PIK3R1: variants seen among roughly 807,000 people sequenced by gnomAD.
PIK3R1 encodes phosphoinositide-3-kinase regulatory subunit 1, also known as phosphatidylinositol 3-kinase regulatory subunit alpha.
PIK3R1 carries 29 observed loss-of-function variants against 98.0 expected under a neutral mutation model. The observed-to-expected ratio is 0.30, with a 90% confidence interval of 0.22 to 0.40. PIK3R1 has a LOEUF of 0.40. PIK3R1 is among the 10% of genes least tolerant of loss of function. The pLI, the probability that PIK3R1 is intolerant of heterozygous loss-of-function variation, is 1.00. For missense variants in PIK3R1, 596 were observed against 872.7 expected (o/e 0.68, Z 3.99); for synonymous variants, 282 against 311.8 (o/e 0.90, Z 1.01).
chr5:68,248,414 C>A (rs1218142198), intron 2 of PIK3R1, among the ~76,000 whole-genome samples: 1 of 152,028 alleles, frequency 6.6e-6, no homozygotes, highest in African/African-American at 2.4e-5. Flanking sequence ...CTTAAATCCA[C>A]CTCCCCTCAT....
chr5:68,296,403 T>A, intron 15 of PIK3R1, 62 bp downstream of exon 15: 1 of 1,464,286 alleles, frequency 6.8e-7, no homozygotes, highest in Non-Finnish European at 9.4e-7. Flanking sequence ...CATTTATTCA[T>A]TCATTGAGTT....
chr5:68,299,259 G>A lies in PIK3R1; in HGVS notation c.*1658G>A. 1 of 233,462 alleles carries A rather than the reference G, an allele frequency of 4.3e-6. No individual in the cohort carries two copies. 14.5% of individuals were successfully genotyped at this position (233,462 alleles called of 1,614,324 possible). A position where few individuals can be genotyped will look rare whatever the true frequency, so the allele number is the denominator to read the frequency against. ...AAAGCATGATCTGAAAAATACTTTTGGTGGTATGTTGGTTACCCTCCTAGC... is the reference window on the plus strand; with the variant it reads ...AAAGCATGATCTGAAAAATACTTTTAGTGGTATGTTGGTTACCCTCCTAGC... On this transcript the variant is annotated 3_prime_UTR_variant, in exon 16 of 16. Transcript: ENST00000521381.
At chr5:68,233,740 A>G (rs1277826921) in intron 2 of PIK3R1, among the ~76,000 whole-genome samples, 2 of 152,258 alleles carry the variant, frequency 1.3e-5, no homozygotes, top group Non-Finnish European at 1.5e-5. Flanking sequence ...TAGTGTATAC[A>G]TTGTTAAAAT....
At position 68,300,351 on chromosome 5, in the gene PIK3R1, C is replaced by A. The variant is rs970686316; in HGVS notation, c.*2750C>A. 1.7e-5 allele frequency: 4 copies of A among 232,870 alleles called. No homozygotes were observed. The highest frequency in any genetic ancestry group is 8.8e-5 in the African/African-American group (4 of 45,330). The allele number at this position is 232,870 out of a possible 1,614,324, so 14.4% of individuals were successfully genotyped here. ...GCTAGCCGGCCACTTTGGATTTCAT[C>A]AGACAGTCCTAACAATATTGTCTGA... On this transcript the variant is annotated 3_prime_UTR_variant, in exon 16 of 16. Coordinates refer to ENST00000521381, the MANE Select transcript of PIK3R1 (RefSeq NM_181523.3).
At chr5:68,220,593 GTTGTGTTACCTGGGC>G (rs1744058846) in intron 1 of PIK3R1, among the ~76,000 whole-genome samples, 1 of 152,268 alleles carries the variant, frequency 6.6e-6, no homozygotes, top group African/African-American at 2.4e-5. Flanking sequence ...CTAGCTCCTT[GTTGTGTTACCTGGGC>G]TTGTGCTACC....
intron 2 of PIK3R1, among the ~76,000 whole-genome samples, chr5:68,244,552 CTCTT>C (rs1352412936): frequency 8.4e-6 from 1 of 119,510 alleles, no homozygotes; most frequent in East Asian, 2.8e-4. Context: ...GAGAGCTTTT[CTCTT>C]TCTTTCACCT....
At chr5:68,264,864 C>T (rs746191536) in intron 2 of PIK3R1, among the ~76,000 whole-genome samples, 1 of 152,204 alleles carries the variant, frequency 6.6e-6, no homozygotes, top group African/African-American at 2.4e-5. Context: ...CTGCTAGTCT[C>T]TCTTTTGATA....
rs201598843 is a variant in PIK3R1, at chr5:68,280,579, C to T, written c.686C>T (p.Ser229Leu). The T allele has an allele frequency of 3.7e-5, 60 of 1,612,242 alleles. No homozygotes were observed. The highest frequency in any genetic ancestry group is 5.0e-5 in the Non-Finnish European group (59 of 1,178,896). The change falls in exon 6 of 16, where the codon TCG becomes TTG. Residue 229 changes from serine to leucine, a missense_variant. Transcript: ENST00000521381. ...YIQLLKKLIR[S>L]PSIPHQYWLT... ...CAGCTATTGAAGAAGCTTATTAGGT[C>T]GCCTAGCATACCTCATCAGTATTGG...
chr5:68,223,370 CTTTT>C (rs78110753), intron 1 of PIK3R1, among the ~76,000 whole-genome samples: 1 of 143,666 alleles, frequency 7.0e-6, no homozygotes. Flanking sequence ...GACTGCTCTC[CTTTT>C]TTTTTTTTTT....
intron 7 of PIK3R1, among the ~76,000 whole-genome samples, chr5:68,285,086 A>G (rs545955615): frequency 1.3e-5 from 2 of 152,360 alleles, no homozygotes; most frequent in South Asian, 2.1e-4. Context: ...AAATAAGTCT[A>G]TTTAACACAG....
chr5:68,229,742 G>A (rs1310894467), intron 2 of PIK3R1, among the ~76,000 whole-genome samples: 3 of 152,288 alleles, frequency 2.0e-5, no homozygotes, highest in African/African-American at 4.8e-5. Context: ...CTCCCTGTAC[G>A]ATAGTGTCTT....
intron 7 of PIK3R1, among the ~76,000 whole-genome samples, chr5:68,287,355 A>G (rs1047335986): frequency 1.3e-5 from 2 of 152,144 alleles, no homozygotes; most frequent in Admixed American, 6.5e-5. Flanking sequence ...AGCAGGGACA[A>G]TGGGTAGAGA....
At chr5:68,261,951 G>A (rs1745770469) in intron 2 of PIK3R1, among the ~76,000 whole-genome samples, 1 of 152,110 alleles carries the variant, frequency 6.6e-6, no homozygotes, top group African/African-American at 2.4e-5. Context: ...GGTTATTACG[G>A]TTGTTAAGGA....
At chr5:68,223,123 AATC>A (rs60144880) in intron 1 of PIK3R1, among the ~76,000 whole-genome samples, 4,870 of 147,980 alleles carry the variant, frequency 0.033, 117 homozygotes, top group South Asian at 0.074. Context: ...GTACAAACTC[AATC>A]ATCATCATCA....
intron 1 of PIK3R1, among the ~76,000 whole-genome samples, chr5:68,224,213 A>G (rs1314622564): frequency 6.6e-6 from 1 of 152,264 alleles, no homozygotes; most frequent in Non-Finnish European, 1.5e-5. Context: ...TCTTTTGTAC[A>G]GAGTACATTA....
At chr5:68,247,823 G>C (rs964634012) in intron 2 of PIK3R1, among the ~76,000 whole-genome samples, 2 of 152,082 alleles carry the variant, frequency 1.3e-5, no homozygotes, top group African/African-American at 4.8e-5. Flanking sequence ...CAGTGGTGAC[G>C]TTGGCCTTTG....
At chr5:68,285,701 G>C (rs531626544) in intron 7 of PIK3R1, among the ~76,000 whole-genome samples, 1 of 152,118 alleles carries the variant, frequency 6.6e-6, no homozygotes, top group Admixed American at 6.5e-5. Context: ...TTGCAGGGGG[G>C]ACTACTTTAT....
At chr5:68,257,320 A>AGT (rs1745557696) in intron 2 of PIK3R1, among the ~76,000 whole-genome samples, 1 of 152,260 alleles carries the variant, frequency 6.6e-6, no homozygotes, top group African/African-American at 2.4e-5. Flanking sequence ...ACCATGGAGG[A>AGT]GTAACCCATG....
At chr5:68,227,345 A>G (rs1744318837) in intron 2 of PIK3R1, among the ~76,000 whole-genome samples, 1 of 152,190 alleles carries the variant, frequency 6.6e-6, no homozygotes. Flanking sequence ...CCTAGTCTGA[A>G]AATATGAAAT....
Sources: gnomAD v4.1 joint callset for allele counts (sites outside exome capture counted in the v4.1 genomes callset) on GRCh38, gnomAD v4.1.1 for gene constraint, MANE v1.5 for transcripts, NCBI Gene and HGNC (gene_info 2026-07-23, HGNC 2026-07-21) for gene names.